The following CENPW variants were observed in gnomAD, a reference collection of about 807,000 sequenced individuals.
CENPW encodes the protein centromere protein W.
In CENPW, 3 loss-of-function variants were observed where a neutral mutation model predicts 11.1. That is an observed-to-expected ratio of 0.27 (90% CI 0.12 to 0.70). The LOEUF (loss-of-function observed/expected upper bound fraction) is 0.70. Ranked by LOEUF, CENPW falls within the 30% of genes least tolerant of loss-of-function variation. The pLI is 0.77. For missense variants in CENPW, 100 were observed against 105.6 expected, an observed-to-expected ratio of 0.95 and a Z score of 0.23; for synonymous variants, 38 against 42.0, an observed-to-expected ratio of 0.91 and a Z score of 0.37.
the CENPW span, among the ~76,000 whole-genome samples, chr6:126,382,440 G>T: frequency 1.3e-5 from 2 of 152,192 alleles, no homozygotes; most frequent in African/African-American, 4.8e-5. Flanking sequence ...TCTTAACTGG[G>T]CTGAGATGGC....
At chr6:126,390,081 G>T in the CENPW span, among the ~76,000 whole-genome samples, 3 of 151,790 alleles carry the variant, frequency 2.0e-5, no homozygotes, top group African/African-American at 7.3e-5. Context: ...AAGAATGCTG[G>T]GTTTCAATCT....
chr6:126,403,287 A>G, the CENPW span, among the ~76,000 whole-genome samples: 4 of 152,278 alleles, frequency 2.6e-5, no homozygotes, highest in Non-Finnish European at 5.9e-5. Context: ...TCTCACTTTA[A>G]ATCAAAAGCT....
chr6:126,461,396 C>T, the CENPW span, among the ~76,000 whole-genome samples: 2 of 151,830 alleles, frequency 1.3e-5, no homozygotes, highest in African/African-American at 2.4e-5. Context: ...ATACATGTCC[C>T]AAATACTAAG....
At chr6:126,384,089 G>A in the CENPW span, among the ~76,000 whole-genome samples, 3 of 151,930 alleles carry the variant, frequency 2.0e-5, no homozygotes, top group South Asian at 4.1e-4. Flanking sequence ...AATTCAAGAC[G>A]AAGAAAATCA....
the CENPW span, among the ~76,000 whole-genome samples, chr6:126,365,381 T>C: frequency 6.6e-6 from 1 of 152,156 alleles, no homozygotes; most frequent in African/African-American, 2.4e-5. Context: ...AGGCTTCTGC[T>C]TCTGGGGAAG....
the CENPW span, among the ~76,000 whole-genome samples, chr6:126,467,047 T>C: frequency 1.3e-5 from 2 of 152,158 alleles, no homozygotes; most frequent in African/African-American, 2.4e-5. Context: ...AGAATTAATA[T>C]CATTAAAATG....
At chr6:126,471,318 T>C in the CENPW span, among the ~76,000 whole-genome samples, 1 of 152,138 alleles carries the variant, frequency 6.6e-6, no homozygotes, top group Non-Finnish European at 1.5e-5. Flanking sequence ...TCTCCTGCCA[T>C]CATGTGAAGA....
chr6:126,455,101 C>G, the CENPW span, among the ~76,000 whole-genome samples: 1 of 151,106 alleles, frequency 6.6e-6, no homozygotes, highest in Non-Finnish European at 1.5e-5. Flanking sequence ...CAGAAAAACC[C>G]CAGGACCAAA....
chr6:126,392,238 A>G, the CENPW span, among the ~76,000 whole-genome samples: 2 of 151,866 alleles, frequency 1.3e-5, no homozygotes, highest in African/African-American at 4.8e-5. Context: ...GCTATTGTAA[A>G]AAGGATTACT....
the CENPW span, among the ~76,000 whole-genome samples, chr6:126,475,407 T>A: frequency 2.6e-5 from 4 of 151,994 alleles, no homozygotes; most frequent in African/African-American, 9.7e-5. Flanking sequence ...ACAAATTTTT[T>A]TAAAAAAAAT....
chr6:126,479,249 C>G, the CENPW span, among the ~76,000 whole-genome samples: 1 of 151,944 alleles, frequency 6.6e-6, no homozygotes, highest in African/African-American at 2.4e-5. Context: ...CAAACTCATT[C>G]TGCTCTATGT....
the CENPW span, among the ~76,000 whole-genome samples, chr6:126,440,093 T>G: frequency 6.6e-6 from 1 of 151,426 alleles, no homozygotes; most frequent in African/African-American, 2.4e-5. Context: ...CAAAAGTCTC[T>G]CACTCTTCAT....
At chr6:126,447,741 C>T in the CENPW span, among the ~76,000 whole-genome samples, 1 of 151,084 alleles carries the variant, frequency 6.6e-6, no homozygotes, top group Non-Finnish European at 1.5e-5. Flanking sequence ...TGCTCTGGCT[C>T]TATGATTGCC....
the CENPW span, among the ~76,000 whole-genome samples, chr6:126,407,469 CA>C: frequency 6.6e-6 from 1 of 152,110 alleles, no homozygotes; most frequent in Non-Finnish European, 1.5e-5. Flanking sequence ...ATGGCTGGGT[CA>C]AATGGTATTT....
the CENPW span, among the ~76,000 whole-genome samples, chr6:126,385,466 TTTGG>T: frequency 2.0e-5 from 3 of 152,098 alleles, no homozygotes; most frequent in African/African-American, 7.2e-5. Context: ...ATACTATTAC[TTTGG>T]TTGATGCAAC....
chr6:126,394,368 G>A, the CENPW span, among the ~76,000 whole-genome samples: 1 of 151,910 alleles, frequency 6.6e-6, no homozygotes, highest in Non-Finnish European at 1.5e-5. Flanking sequence ...ATTTCAAACT[G>A]ATGACTAGTT....
chr6:126,459,849 A>G, the CENPW span, among the ~76,000 whole-genome samples: 5 of 151,582 alleles, frequency 3.3e-5, no homozygotes, highest in African/African-American at 7.3e-5. Flanking sequence ...GGGGACAAAC[A>G]GAAACGCTGT....
At chr6:126,436,220 G>C in the CENPW span, among the ~76,000 whole-genome samples, 1 of 151,684 alleles carries the variant, frequency 6.6e-6, no homozygotes, top group African/African-American at 2.4e-5. Context: ...CCTAGAATCA[G>C]GCAGGTGTAC....
the CENPW span, among the ~76,000 whole-genome samples, chr6:126,432,093 A>C: frequency 1.4e-5 from 2 of 141,226 alleles, no homozygotes; most frequent in East Asian, 4.2e-4. Flanking sequence ...AAAAAAAAAG[A>C]GGGTATTTTT....
Sources: gnomAD v4.1 joint callset for allele counts (sites outside exome capture counted in the v4.1 genomes callset) on GRCh38, gnomAD v4.1.1 for gene constraint, MANE v1.5 for transcripts, NCBI Gene and HGNC (gene_info 2026-07-23, HGNC 2026-07-21) for gene names.